PSCA: variants seen among roughly 807,000 people sequenced by gnomAD.
PSCA encodes the protein prostate stem cell antigen.
PSCA carries 7 observed loss-of-function variants against 7.9 expected under a neutral mutation model. The observed-to-expected ratio is 0.89, with a 90% CI of 0.51 to 1.67. The LOEUF (loss-of-function observed/expected upper bound fraction) is 1.67, where lower values mean the gene tolerates loss of function less well. PSCA is among the 40% of genes most tolerant of loss of function. The probability of loss-of-function intolerance (pLI) is 0.00; values close to 1 mark genes in which losing one functional copy is unlikely to be tolerated. For missense variants in PSCA, 151 were observed against 147.9 expected, an observed-to-expected ratio of 1.02 and a Z score of -0.11; for synonymous variants, 61 against 68.3, an observed-to-expected ratio of 0.89 and a Z score of 0.53.
chr8:142,680,729 C>G (rs149017213), intron 1 of PSCA, 166 bp downstream of exon 1: 3 of 931,774 alleles, frequency 3.2e-6, no homozygotes, highest in African/African-American at 1.6e-5. Context: ...GCTCTTGGCA[C>G]GACCAGGCAG....
intron 1 of PSCA, among the ~76,000 whole-genome samples, chr8:142,671,767 C>T (rs144144291): frequency 3.3e-5 from 5 of 152,240 alleles, no homozygotes; most frequent in African/African-American, 9.6e-5. Context: ...AGGCTGGTCT[C>T]GAGCTCGTGG....
chr8:142,675,702 T>C (rs1433691879), upstream of PSCA, among the ~76,000 whole-genome samples: 2 of 152,210 alleles, frequency 1.3e-5, no homozygotes, highest in African/African-American at 4.8e-5. Context: ...CATGCCCACA[T>C]AGTTGGCACA....
rs1554638305 is a variant in PSCA at position 142,681,383 on chromosome 8, C to CA, written c.83dup (p.Val29GlyfsTer36). 3 of 1,591,896 alleles carry CA rather than the reference C, an allele frequency of 1.9e-6. No homozygotes were observed. Among genetic ancestry groups the CA allele is most frequent in the African/African-American group, 1.3e-5 (1 of 74,418 alleles). ...CCAGGTGAGCAACGAGGACTGCCTG[C>CA]AGGTGGAGAACTGCACCCAGCTGGG... On this transcript the variant is annotated frameshift_variant, in exon 2 of 3. Transcript: ENST00000301258. LOFTEE classifies it low-confidence loss of function (END_TRUNC).
chr8:142,682,412 C>G lies in PSCA; in HGVS notation c.*280C>G. The G allele has an allele frequency of 1.5e-6, 1 of 681,636 alleles. No homozygotes were observed. Among genetic ancestry groups the G allele is most frequent in the Non-Finnish European group, 2.7e-6 (1 of 371,580 alleles). 42.2% of individuals were successfully genotyped at this position (681,636 alleles called of 1,614,324 possible). A position where few individuals can be genotyped will look rare whatever the true frequency, so the allele number is the denominator to read the frequency against. ...GTTTCCATGGCCCAGCATTCTCCAC[C>G]CTTAACCCTGTGCTCAGGCACCTCT... is the stretch of plus-strand genomic sequence containing the variant. On this transcript the variant is annotated 3_prime_UTR_variant, in exon 3 of 3. Coordinates refer to ENST00000301258, the MANE Select transcript of PSCA (RefSeq NM_005672.5).
chr8:142,677,751 G>T (rs1422562483), upstream of PSCA, among the ~76,000 whole-genome samples: 1 of 152,186 alleles, frequency 6.6e-6, no homozygotes, highest in Non-Finnish European at 1.5e-5. Context: ...GGTGGGCAGA[G>T]TGGGCAAGCA....
chr8:142,680,757 T>TC, intron 1 of PSCA, 194 bp downstream of exon 1: 2 of 710,490 alleles, frequency 2.8e-6, no homozygotes, highest in Non-Finnish European at 4.7e-6. Flanking sequence ...TTCCCTGCCG[T>TC]CCCCTGTGAC....
chr8:142,678,866 A>G (rs1242671220), upstream of PSCA, among the ~76,000 whole-genome samples: 1 of 150,992 alleles, frequency 6.6e-6, no homozygotes, highest in East Asian at 2.0e-4. Context: ...GGCCTGTACT[A>G]GAGGACCATA....
chr8:142,680,462 G>T, upstream of PSCA: 1 of 1,520,174 alleles, frequency 6.6e-7, no homozygotes, highest in South Asian at 1.2e-5. Context: ...CCCCATTTGA[G>T]GCCATATAAA....
upstream of PSCA, among the ~76,000 whole-genome samples, chr8:142,679,326 C>T (rs1847435174): frequency 3.3e-5 from 5 of 152,244 alleles, no homozygotes; most frequent in South Asian, 1.0e-3. Flanking sequence ...GGGTAAAGCA[C>T]CTAGCCCAGG....
chr8:142,672,675 G>T (rs1336273829), intron 1 of PSCA, among the ~76,000 whole-genome samples: 1 of 152,198 alleles, frequency 6.6e-6, no homozygotes, highest in Non-Finnish European at 1.5e-5. Context: ...TTAAGGACAT[G>T]GACTCATGTA....
In PSCA at chr8:142,682,179, G is replaced by T; in HGVS notation, c.*47G>T. ...GCCCACACTGGGTGTGGTGCCCCAG[G>T]CCTCTGTGCCACTCCTCACACACCC... On this transcript the variant is annotated 3_prime_UTR_variant, in exon 3 of 3. Transcript: ENST00000301258. 6.4e-7 allele frequency: 1 copy of T among 1,553,286 alleles called. No homozygotes were observed.
At chr8:142,671,300 G>A (rs139501580) in intron 1 of PSCA, among the ~76,000 whole-genome samples, 33 of 152,280 alleles carry the variant, frequency 2.2e-4, no homozygotes, top group Non-Finnish European at 3.7e-4. Context: ...TGAAGATGGA[G>A]GAAGGGGCCA....
At chr8:142,678,676 G>T (rs78838877), upstream of PSCA, among the ~76,000 whole-genome samples, 1 of 130,088 alleles carries the variant, frequency 7.7e-6, no homozygotes, top group African/African-American at 2.6e-5. Flanking sequence ...GCCTGGGCCT[G>T]CTCTAGAGGG....
Position 142,681,403 on chromosome 8 carries a change from G to A in PSCA, c.102G>A (p.Gln34=). 2 of 1,593,578 alleles carry A rather than the reference G, an allele frequency of 1.3e-6. No homozygotes were observed. Among genetic ancestry groups the A allele is most frequent in the Non-Finnish European group, 1.7e-6 (2 of 1,170,334 alleles). The change falls in exon 2 of 3, where the codon CAG becomes CAA. Residue 34 remains glutamine (Q), a synonymous_variant. Coordinates refer to ENST00000301258, the MANE Select transcript of PSCA (RefSeq NM_005672.5). Reference sequence around the variant, plus strand: ...GCCTGCAGGTGGAGAACTGCACCCAGCTGGGGGAGCAGTGCTGGACCGCGC... The same window carrying A: ...GCCTGCAGGTGGAGAACTGCACCCAACTGGGGGAGCAGTGCTGGACCGCGC... ...EDCLQVENCT[Q]LGEQCWTARI...
intron 1 of PSCA, chr8:142,680,810 C>T (rs1342909842): frequency 1.7e-6 from 1 of 591,088 alleles, no homozygotes; most frequent in South Asian, 2.1e-5. Context: ...CCTTCACCAC[C>T]GTGGGGCAGG....
chr8:142,673,883 TGTG>T lies in PSCA; in HGVS notation n.261+3318_261+3320del, dbSNP rs1847364521. Among the ~76,000 whole-genome samples, 1 of 152,210 alleles carries T rather than the reference TGTG, an allele frequency of 6.6e-6. No individual in the cohort carries two copies. Among genetic ancestry groups the T allele is most frequent in the Non-Finnish European group, 1.5e-5 (1 of 68,048 alleles). On this transcript the variant is annotated intron_variant and non_coding_transcript_variant, in intron 1 of 1. Coordinates refer to the PSCA transcript ENST00000505305. This position sits in a 1 kb window ranked among gnomAD's most constrained non-coding sequence, Gnocchi z 4.6. ...GAGTAATTGGGGGAGTTGCAAATCT[TGTG>T]GTCCCTGGAATAACGGCTGGGAGTC...
intron 1 of PSCA, among the ~76,000 whole-genome samples, chr8:142,671,157 G>A (rs587659209): frequency 6.6e-6 from 1 of 152,216 alleles, no homozygotes; most frequent in Admixed American, 6.5e-5. Flanking sequence ...AGAGCCCACG[G>A]GTTCAGATAG....
intron 1 of PSCA, among the ~76,000 whole-genome samples, chr8:142,672,978 T>C (rs1378348134): frequency 2.6e-5 from 4 of 152,206 alleles, no homozygotes; most frequent in Non-Finnish European, 1.5e-5. Context: ...GCTGTACACA[T>C]GGCTGGCAAA....
rs1554638578 is a variant in PSCA at position 142,682,472 on chromosome 8, T to C, written c.*340T>C. On this transcript the variant is annotated 3_prime_UTR_variant, in exon 3 of 3. Transcript: ENST00000301258. ...AAGCCTTCCCTGCCCACCCCATCTA[T>C]GACTTGAGCCAGGTCTGGTCCGTGG... The C allele has an allele frequency of 6.9e-6, 4 of 577,666 alleles. No homozygotes were observed. The highest frequency in any genetic ancestry group is 1.3e-5 in the Non-Finnish European group (4 of 304,742). The allele number at this position is 577,666 out of a possible 1,614,324, so 35.8% of individuals were successfully genotyped here. A position where few individuals can be genotyped will look rare whatever the true frequency, so the allele number is the denominator to read the frequency against.
Sources: gnomAD v4.1 joint callset for allele counts (sites outside exome capture counted in the v4.1 genomes callset) on GRCh38, gnomAD v4.1.1 for gene constraint, Gnocchi (gnomAD v3.1) non-coding constraint, MANE v1.5 for transcripts, NCBI Gene and HGNC (gene_info 2026-07-23, HGNC 2026-07-21) for gene names.